The following DMD variants were observed in gnomAD, a reference collection of about 807,000 sequenced individuals.
DMD encodes the protein dystrophin, also known as mutant dystrophin.
A neutral mutation model predicts 330.1 loss-of-function variants in DMD; 63 were observed. The ratio of observed to expected loss-of-function variants is 0.19; its 90% confidence interval spans 0.16 to 0.24. The LOEUF (loss-of-function observed/expected upper bound fraction) is 0.24, where lower values mean the gene tolerates loss of function less well. Among genes scored for constraint, DMD ranks in the 10% least tolerant of loss-of-function variants. DMD has a pLI of 1.00. For synonymous variants in DMD, 1,223 were observed against 959.8 expected, an observed-to-expected ratio of 1.27 and a Z score of -5.07; for missense variants, 3,344 against 2,684.1, an observed-to-expected ratio of 1.25 and a Z score of -5.43.
intron 7 of DMD, among the ~76,000 whole-genome samples, chrX:32,758,639 G>C (rs1020665105): frequency 6.3e-5 from 7 of 111,472 alleles, no homozygotes; most frequent in East Asian, 2.8e-4. Flanking sequence ...AAGAATCTCA[G>C]ACTTCGGAAT....
intron 52 of DMD, among the ~76,000 whole-genome samples, chrX:31,710,299 T>C (rs1213242461): frequency 9.0e-6 from 1 of 110,894 alleles, no homozygotes. Context: ...AATAGGAGAG[T>C]GAAGGTAAAG....
At chrX:33,002,121 G>A (rs894037861) in intron 2 of DMD, among the ~76,000 whole-genome samples, 7 of 110,641 alleles carry the variant, frequency 6.3e-5, no homozygotes, top group Admixed American at 9.7e-5. Flanking sequence ...TGGCATAGTT[G>A]ATCCCAGCAC....
At chrX:32,946,211 G>C (rs896218353) in intron 2 of DMD, among the ~76,000 whole-genome samples, 2 of 110,568 alleles carry the variant, frequency 1.8e-5, no homozygotes, top group Non-Finnish European at 3.8e-5. Flanking sequence ...AAAAATTAAG[G>C]CTATTAATTT....
intron 12 of DMD, among the ~76,000 whole-genome samples, chrX:32,612,059 CAAAT>C (rs56971671): frequency 0.51 from 56,137 of 109,290 alleles, 12,834 homozygotes; most frequent in African/African-American, 0.89. Flanking sequence ...GATTTGTGAA[CAAAT>C]AAATGGTTTA....
intron 73 of DMD, among the ~76,000 whole-genome samples, chrX:31,171,332 T>A (rs1457227809): frequency 8.9e-6 from 1 of 111,832 alleles, no homozygotes; most frequent in Non-Finnish European, 1.9e-5. Flanking sequence ...GTTATATATA[T>A]GCCACTTTGA....
At chrX:32,911,767 T>C (rs1028916485) in intron 2 of DMD, among the ~76,000 whole-genome samples, 1 of 111,678 alleles carries the variant, frequency 9.0e-6, no homozygotes, top group African/African-American at 3.3e-5. Context: ...TAAATTGGTG[T>C]AACCAATTTT....
At chrX:32,152,346 C>T (rs2096808151) in intron 44 of DMD, among the ~76,000 whole-genome samples, 1 of 111,465 alleles carries the variant, frequency 9.0e-6, no homozygotes, top group African/African-American at 3.3e-5. Context: ...AAAGACTTGA[C>T]TTTCACTAAC....
intron 44 of DMD, among the ~76,000 whole-genome samples, chrX:32,010,576 A>C (rs1454482626): frequency 8.9e-6 from 1 of 111,838 alleles, no homozygotes; most frequent in Non-Finnish European, 1.9e-5. Context: ...AGCAGTCACC[A>C]AAATAATCCA....
intron 25 of DMD, among the ~76,000 whole-genome samples, chrX:32,458,265 G>A (rs748341389): frequency 5.4e-5 from 6 of 111,043 alleles, no homozygotes; most frequent in African/African-American, 1.6e-4. Flanking sequence ...ATTTGACCGC[G>A]TGTGTCTGGT....
rs185711612 is a variant in DMD, at chrX:31,388,992, A to C, written c.9085-40358T>G. 5.3e-4 allele frequency among the ~76,000 whole-genome samples: 60 copies of C among 112,883 alleles called. 1 individual carries two copies. Among genetic ancestry groups the C allele is most frequent in the African/African-American group, 1.9e-3 (60 of 31,166 alleles). On this transcript the variant is annotated intron_variant, in intron 60 of 78. Coordinates refer to ENST00000357033, the MANE Select transcript of DMD (RefSeq NM_004006.3). ...CTATTAGGAAAAGTTAAACTTACAG[A>C]AAATTTGCAAAAGTAGTATAGAAAG... is the stretch of plus-strand genomic sequence containing the variant.
intron 60 of DMD, among the ~76,000 whole-genome samples, chrX:31,351,746 C>CAAAAAAAAAAAA (rs1300313892): frequency 7.4e-4 from 53 of 71,465 alleles, no homozygotes; most frequent in African/African-American, 1.0e-3. Flanking sequence ...AAAAAAAAAG[C>CAAAAAAAAAAAA]AAAAAAGGAG....
chrX:33,046,924 G>A (rs1336691063), intron 1 of DMD, among the ~76,000 whole-genome samples: 1 of 112,066 alleles, frequency 8.9e-6, no homozygotes, highest in Admixed American at 9.5e-5. Flanking sequence ...CATTACATAT[G>A]AGGAAATGGA....
At chrX:33,186,605 T>C (rs2050275757) in intron 1 of DMD, among the ~76,000 whole-genome samples, 1 of 111,403 alleles carries the variant, frequency 9.0e-6, no homozygotes, top group Admixed American at 9.6e-5. Context: ...TATCTTCTCA[T>C]CTTAAACTAA....
At chrX:31,854,630 T>G (rs1312886748) in intron 48 of DMD, among the ~76,000 whole-genome samples, 1 of 112,007 alleles carries the variant, frequency 8.9e-6, no homozygotes, top group Non-Finnish European at 1.9e-5. Context: ...AACCCTAGTC[T>G]TTCTGAGGCA....
chrX:32,838,090 T>C (rs1452089190), intron 4 of DMD, among the ~76,000 whole-genome samples: 1 of 111,760 alleles, frequency 8.9e-6, no homozygotes, highest in Non-Finnish European at 1.9e-5. Context: ...CAGTGGTGAA[T>C]TAATGGCTCT....
intron 47 of DMD, among the ~76,000 whole-genome samples, chrX:31,900,985 A>T (rs1409988064): frequency 9.0e-6 from 1 of 111,553 alleles, no homozygotes; most frequent in Non-Finnish European, 1.9e-5. Context: ...GCATATGGGG[A>T]AAGGTTACGC....
intron 15 of DMD, among the ~76,000 whole-genome samples, chrX:32,571,874 TTCTTA>T (rs1332963721): frequency 4.1e-4 from 42 of 102,222 alleles, no homozygotes; most frequent in African/African-American, 1.6e-3. Context: ...AATGTTTCTC[TTCTTA>T]TCTTAATGCC....
chrX:32,175,261 C>T (rs771410848), intron 44 of DMD, among the ~76,000 whole-genome samples: 1 of 110,787 alleles, frequency 9.0e-6, no homozygotes, highest in Non-Finnish European at 1.9e-5. Context: ...CAATCAGGAA[C>T]CTTCCCGTCT....
At chrX:31,608,932 C>A (rs1447805215) in intron 55 of DMD, among the ~76,000 whole-genome samples, 5 of 111,764 alleles carry the variant, frequency 4.5e-5, no homozygotes, top group African/African-American at 1.6e-4. Context: ...ATGATTAAAT[C>A]TACTACAGCT....
Sources: gnomAD v4.1 joint callset for allele counts (sites outside exome capture counted in the v4.1 genomes callset) on GRCh38, gnomAD v4.1.1 for gene constraint, MANE v1.5 for transcripts, NCBI Gene and HGNC (gene_info 2026-07-23, HGNC 2026-07-21) for gene names.